PRLR: variants seen among roughly 807,000 people sequenced by gnomAD.
PRLR encodes hPRL receptor.
In PRLR, 13 loss-of-function variants were observed where a neutral mutation model predicts 40.2. The ratio of observed to expected loss-of-function variants is 0.32; its 90% CI spans 0.21 to 0.51. The LOEUF is 0.51. Among genes scored for constraint, PRLR ranks in the 20% least tolerant of loss-of-function variants. The probability of loss-of-function intolerance (pLI) is 0.97; values close to 1 mark genes in which losing one functional copy is unlikely to be tolerated. For synonymous variants in PRLR, 269 were observed against 278.7 expected (o/e 0.97, Z 0.35); for missense variants, 656 against 747.3 (o/e 0.88, Z 1.42).
intron 1 of PRLR, among the ~76,000 whole-genome samples, chr5:35,159,093 G>GTTCTACA (rs1774594933): frequency 6.6e-6 from 1 of 152,128 alleles, no homozygotes; most frequent in African/African-American, 2.4e-5. Flanking sequence ...ATTGAGTGGG[G>GTTCTACA]TGTCATGTTC....
intron 1 of PRLR, among the ~76,000 whole-genome samples, chr5:35,223,967 C>T (rs563816089): frequency 1.4e-4 from 21 of 152,328 alleles, no homozygotes; most frequent in African/African-American, 5.1e-4. Flanking sequence ...TCCCTAGTTT[C>T]TTTATCTATA....
intron 9 of PRLR, among the ~76,000 whole-genome samples, chr5:35,067,552 T>C (rs1769455266): frequency 6.6e-6 from 1 of 152,254 alleles, no homozygotes; most frequent in African/African-American, 2.4e-5. Flanking sequence ...CTGGGTCAAG[T>C]ATTTGCCTTA....
At chr5:35,191,486 CTATTT>C (rs1451360295) in intron 1 of PRLR, among the ~76,000 whole-genome samples, 1 of 152,170 alleles carries the variant, frequency 6.6e-6, no homozygotes, top group Non-Finnish European at 1.5e-5. Flanking sequence ...CATTTCTAGC[CTATTT>C]TATTATAACA....
At chr5:35,202,646 T>G (rs1490791079) in intron 1 of PRLR, among the ~76,000 whole-genome samples, 1 of 152,128 alleles carries the variant, frequency 6.6e-6, no homozygotes, top group Non-Finnish European at 1.5e-5. Context: ...TGGCACATAG[T>G]GGGTGAGCAA....
At chr5:35,088,501 C>A (rs1279042187) in intron 3 of PRLR, among the ~76,000 whole-genome samples, 3 of 152,184 alleles carry the variant, frequency 2.0e-5, no homozygotes, top group Non-Finnish European at 4.4e-5. Flanking sequence ...GTGGGTCATT[C>A]TGACCTCTGC....
intron 1 of PRLR, among the ~76,000 whole-genome samples, chr5:35,147,656 C>A (rs1349072834): frequency 6.6e-6 from 1 of 152,034 alleles, no homozygotes. Flanking sequence ...ACAAGAGAGG[C>A]AAACTTAAAA....
At position 35,056,932 on chromosome 5, in the gene PRLR, C is replaced by T. The variant is rs1226858576; in HGVS notation, c.*8157G>A. 1 of 152,168 alleles carries T rather than the reference C, an allele frequency of 6.6e-6. No homozygotes were observed. The highest frequency in any genetic ancestry group is 2.4e-5 in the African/African-American group (1 of 41,432). 9.4% of individuals were successfully genotyped at this position (152,168 alleles called of 1,614,324 possible). ...TGGAAAGCAAAACCACACACCATTTCACAATTCTGGAACACGGACATGAAC... is the reference window on the plus strand; with the variant it reads ...TGGAAAGCAAAACCACACACCATTTTACAATTCTGGAACACGGACATGAAC... On this transcript the variant is annotated 3_prime_UTR_variant, in exon 10 of 10. Coordinates refer to ENST00000618457, the MANE Select transcript of PRLR (RefSeq NM_000949.7).
intron 2 of PRLR, among the ~76,000 whole-genome samples, chr5:35,109,603 G>A (rs1269778842): frequency 6.6e-6 from 1 of 152,116 alleles, no homozygotes; most frequent in Admixed American, 6.6e-5. Flanking sequence ...GCAGCCAACA[G>A]ACACATGAAA....
At chr5:35,140,824 C>T (rs954674338) in intron 1 of PRLR, among the ~76,000 whole-genome samples, 6 of 152,180 alleles carry the variant, frequency 3.9e-5, no homozygotes, top group Non-Finnish European at 7.4e-5. Flanking sequence ...CTTCAGTAAA[C>T]AATGCCAGTT....
rs189914663 is a variant in PRLR at position 35,174,520 on chromosome 5, T to A, written c.-106+55748A>T. On this transcript the variant is annotated intron_variant, in intron 1 of 9. Coordinates refer to ENST00000618457, the MANE Select transcript of PRLR (RefSeq NM_000949.7). Reference sequence around the variant, plus strand: ...CTGATAGACAACAAAGTGTTTTCCATGCCTTTCTCTTTCAAACAACACTGC... The same window carrying A: ...CTGATAGACAACAAAGTGTTTTCCAAGCCTTTCTCTTTCAAACAACACTGC... Among the ~76,000 whole-genome samples the A allele has an allele frequency of 3.0e-3, 455 of 152,342 alleles. 4 individuals are homozygous for A. The highest frequency in any genetic ancestry group is 6.5e-3 in the Admixed American group (100 of 15,298).
At chr5:35,214,594 C>T (rs908645221) in intron 1 of PRLR, among the ~76,000 whole-genome samples, 2 of 152,092 alleles carry the variant, frequency 1.3e-5, no homozygotes, top group African/African-American at 4.8e-5. Context: ...GTAAAACTTC[C>T]CTGGATCACC....
At chr5:35,116,291 T>C (rs1478210368) in intron 2 of PRLR, among the ~76,000 whole-genome samples, 1 of 152,212 alleles carries the variant, frequency 6.6e-6, no homozygotes, top group Non-Finnish European at 1.5e-5. Flanking sequence ...TGCCACCTTA[T>C]CTACTTTATA....
At chr5:35,106,313 A>G (rs570842548) in intron 2 of PRLR, among the ~76,000 whole-genome samples, 2 of 152,376 alleles carry the variant, frequency 1.3e-5, no homozygotes, top group East Asian at 3.9e-4. Flanking sequence ...AAGAAACTGC[A>G]TCAACTAATA....
intron 1 of PRLR, chr5:35,152,933 A>C (rs1774381209): frequency 6.6e-6 from 1 of 152,216 alleles, no homozygotes; most frequent in African/African-American, 2.4e-5. Flanking sequence ...ATGACTTAAC[A>C]GGTGCAAGCT....
In PRLR at chr5:35,065,729, C is replaced by T. The variant is rs1284308909; in HGVS notation, c.1229G>A (p.Gly410Glu). 6.2e-7 allele frequency: 1 copy of T among 1,614,012 alleles called. No individual in the cohort carries two copies. The highest frequency in any genetic ancestry group is 1.3e-5 in the African/African-American group (1 of 74,902). ...EGKIPYFHAG[G>E]SKCSTWPLPQ... ...TAAGGGCCATGTTGAACATTTGGAT[C>T]CACCAGCATGAAAATAGGGGATTTT... The change falls in exon 10 of 10, where the codon GGA becomes GAA. Residue 410 changes from glycine (G) to glutamate (E), a missense_variant. This residue lies in a region of PRLR where 469 missense variants were observed against 491.5 expected (regional missense o/e 0.95). Coordinates refer to ENST00000618457, the MANE Select transcript of PRLR (RefSeq NM_000949.7).
chr5:35,099,018 G>A (rs35614689), intron 2 of PRLR, among the ~76,000 whole-genome samples: 59,200 of 151,926 alleles, frequency 0.39, 14,230 homozygotes, highest in Non-Finnish European at 0.55. Flanking sequence ...GTTGCTAAAT[G>A]TATTTTCCCA....
chr5:35,066,922 C>T (rs141537251), intron 9 of PRLR, among the ~76,000 whole-genome samples: 13,419 of 152,094 alleles, frequency 0.088, 945 homozygotes, highest in African/African-American at 0.19. Flanking sequence ...CACCACCACG[C>T]CTGGCTAATT....
At chr5:35,147,273 T>A (rs1166684022) in intron 1 of PRLR, among the ~76,000 whole-genome samples, 1 of 152,186 alleles carries the variant, frequency 6.6e-6, no homozygotes, top group Non-Finnish European at 1.5e-5. Flanking sequence ...TACTCTAGTA[T>A]CATTGCTTCC....
chr5:35,095,511 A>G (rs943904121), intron 2 of PRLR, among the ~76,000 whole-genome samples: 4 of 152,230 alleles, frequency 2.6e-5, no homozygotes, highest in African/African-American at 9.6e-5. Context: ...CTGAGGATAT[A>G]GTGCCAAGAG....
Sources: gnomAD v4.1 joint callset for allele counts (sites outside exome capture counted in the v4.1 genomes callset) on GRCh38, gnomAD v4.1.1 for gene constraint, gnomAD v4.1.1 regional missense constraint, MANE v1.5 for transcripts, NCBI Gene and HGNC (gene_info 2026-07-23, HGNC 2026-07-21) for gene names.